DACH1: variants seen among roughly 807,000 people sequenced by gnomAD.
DACH1 encodes dachshund family transcription factor 1, also known as dachshund homolog 1.
DACH1 carries 12 observed loss-of-function variants against 54.2 expected under a neutral mutation model. That is an observed-to-expected ratio of 0.22 (90% CI 0.14 to 0.36). The LOEUF is 0.36. DACH1 is among the 10% of genes least tolerant of loss of function. The pLI, the probability that DACH1 is intolerant of heterozygous loss-of-function variation, is 1.00. For missense variants in DACH1, 805 were observed against 929.8 expected (o/e 0.87, Z 1.75); for synonymous variants, 386 against 366.2 (o/e 1.05, Z -0.62).
At chr13:71,555,177 GAA>G (rs1884158403) in intron 6 of DACH1, among the ~76,000 whole-genome samples, 1 of 152,210 alleles carries the variant, frequency 6.6e-6, no homozygotes, top group African/African-American at 2.4e-5. Context: ...GGAAAATTGA[GAA>G]AAGAGTGACT....
intron 1 of DACH1, among the ~76,000 whole-genome samples, chr13:71,718,778 A>C (rs1189991798): frequency 1.3e-5 from 2 of 152,064 alleles, no homozygotes; most frequent in Non-Finnish European, 2.9e-5. Context: ...ATCACCAAGT[A>C]GAGTTGATTA....
chr13:71,529,814 A>G (rs977558480), intron 6 of DACH1, among the ~76,000 whole-genome samples: 7 of 152,286 alleles, frequency 4.6e-5, no homozygotes, highest in African/African-American at 1.7e-4. Context: ...TTTGCCAAAG[A>G]TAAGATCCAA....
chr13:71,847,009 C>T (rs1873321864), intron 1 of DACH1, among the ~76,000 whole-genome samples: 1 of 152,076 alleles, frequency 6.6e-6, no homozygotes, highest in Non-Finnish European at 1.5e-5. Flanking sequence ...AAAAATTATG[C>T]ATTTGGTGAC....
In DACH1 at chr13:71,489,081, T is replaced by C. The variant is rs1878775551; in HGVS notation, c.1638A>G (p.Gly546=). 4 of 1,613,924 alleles carry C rather than the reference T, an allele frequency of 2.5e-6. No individual in the cohort carries two copies. In the East Asian group the frequency reaches 8.9e-5, roughly 36 times the overall value. The change falls in exon 7 of 11, where the codon GGA becomes GGG. Residue 546 remains glycine, a synonymous_variant. Transcript: ENST00000613252. ...SLDKLSLTGH[G]QPLPPGFPSP... ...ATGGAAAACCTGGAGGCAGTGGTTG[T>C]CCATGCCCAGTTAGAGAGAGTTTGT... is the stretch of plus-strand genomic sequence containing the variant.
chr13:71,808,489 C>G (rs958832406), intron 1 of DACH1, among the ~76,000 whole-genome samples: 4 of 152,072 alleles, frequency 2.6e-5, no homozygotes, highest in East Asian at 1.9e-4. Flanking sequence ...AAACACATAA[C>G]TAATAAAAAG....
At chr13:71,816,611 T>C (rs1369371167) in intron 1 of DACH1, among the ~76,000 whole-genome samples, 4 of 93,154 alleles carry the variant, frequency 4.3e-5, no homozygotes, top group Non-Finnish European at 9.3e-5. Context: ...TGTGTGTATA[T>C]ATATACACGT....
intron 1 of DACH1, among the ~76,000 whole-genome samples, chr13:71,772,531 G>A (rs1352271235): frequency 6.6e-6 from 1 of 151,590 alleles, no homozygotes; most frequent in Non-Finnish European, 1.5e-5. Context: ...CTTATCATTA[G>A]CATCACTTTA....
At chr13:71,828,690 C>G (rs908186448) in intron 1 of DACH1, among the ~76,000 whole-genome samples, 1 of 151,754 alleles carries the variant, frequency 6.6e-6, no homozygotes, top group African/African-American at 2.4e-5. Context: ...TAAGAAAAAC[C>G]CTGAGTTTGT....
intron 3 of DACH1, among the ~76,000 whole-genome samples, chr13:71,611,376 T>G (rs1196122747): frequency 6.6e-6 from 1 of 152,252 alleles, no homozygotes; most frequent in African/African-American, 2.4e-5. Flanking sequence ...GAATCGTCCA[T>G]GGACTTATTC....
At chr13:71,721,656 C>T (rs1038235664) in intron 1 of DACH1, among the ~76,000 whole-genome samples, 1 of 152,032 alleles carries the variant, frequency 6.6e-6, no homozygotes, top group African/African-American at 2.4e-5. Context: ...ATTTTCTTCT[C>T]TTTTGTTTCA....
intron 3 of DACH1, among the ~76,000 whole-genome samples, chr13:71,602,659 G>C (rs1003436695): frequency 3.3e-5 from 5 of 151,940 alleles, no homozygotes; most frequent in African/African-American, 1.2e-4. Flanking sequence ...ACACTGAGCA[G>C]AGTCGTCAAA....
At chr13:71,713,767 A>C (rs911109322) in intron 1 of DACH1, among the ~76,000 whole-genome samples, 1 of 152,160 alleles carries the variant, frequency 6.6e-6, no homozygotes, top group African/African-American at 2.4e-5. Flanking sequence ...AAGGTGTATT[A>C]GATTTTTGTT....
intron 1 of DACH1, among the ~76,000 whole-genome samples, chr13:71,835,903 C>G (rs549061966): frequency 6.6e-6 from 1 of 152,140 alleles, no homozygotes; most frequent in East Asian, 1.9e-4. Context: ...TCGCAGAGAT[C>G]TGGAAATTTT....
chr13:71,804,248 G>A (rs559674516), intron 1 of DACH1, among the ~76,000 whole-genome samples: 65 of 152,260 alleles, frequency 4.3e-4, no homozygotes, highest in Middle Eastern at 3.4e-3. Flanking sequence ...AAGAAGTCAA[G>A]GTTGCAGTGA....
At chr13:71,443,363 C>T (rs938961408) in intron 10 of DACH1, among the ~76,000 whole-genome samples, 2 of 151,692 alleles carry the variant, frequency 1.3e-5, no homozygotes, top group African/African-American at 4.8e-5. Flanking sequence ...GGAGGCTGAG[C>T]GGGGAGGACT....
intron 8 of DACH1, among the ~76,000 whole-genome samples, chr13:71,476,263 C>T (rs1394510439): frequency 2.0e-5 from 3 of 152,108 alleles, no homozygotes; most frequent in African/African-American, 7.2e-5. Flanking sequence ...TTCCTATTTC[C>T]TCATAGGGCA....
intron 1 of DACH1, among the ~76,000 whole-genome samples, chr13:71,822,348 G>A (rs1269581341): frequency 6.6e-6 from 1 of 152,158 alleles, no homozygotes. Flanking sequence ...CTTTAATATA[G>A]TAAAAGTAAA....
intron 1 of DACH1, among the ~76,000 whole-genome samples, chr13:71,717,875 C>G (rs141951809): frequency 9.1e-4 from 137 of 151,362 alleles, no homozygotes; most frequent in African/African-American, 3.3e-3. Context: ...AATTAGTAGT[C>G]CAAAAAAACT....
intron 1 of DACH1, among the ~76,000 whole-genome samples, chr13:71,733,120 C>T (rs529267162): frequency 2.6e-5 from 4 of 152,224 alleles, no homozygotes; most frequent in Non-Finnish European, 2.9e-5. Context: ...TAAGTGCTCA[C>T]GTTTTATTCT....
Sources: allele counts gnomAD v4.1 joint callset (sites outside exome capture counted in the v4.1 genomes callset), GRCh38; gene constraint gnomAD v4.1.1; transcripts MANE v1.5; gene names NCBI Gene and HGNC (gene_info 2026-07-23, HGNC 2026-07-21).